The following EXOC4 variants were observed in gnomAD, a reference collection of about 807,000 sequenced individuals.
EXOC4 encodes SEC8-like 1.
EXOC4 carries 71 observed loss-of-function variants against 107.2 expected under a neutral mutation model. The observed-to-expected ratio is 0.66, with a 90% confidence interval of 0.55 to 0.81. EXOC4 has a LOEUF of 0.81. Ranked by LOEUF, EXOC4 falls within the 30% of genes least tolerant of loss-of-function variation. The pLI is 0.00. For missense variants in EXOC4, 1,108 were observed against 1,189.6 expected, an observed-to-expected ratio of 0.93 and a Z score of 1.01; for synonymous variants, 456 against 441.2, an observed-to-expected ratio of 1.03 and a Z score of -0.42.
intron 1 of EXOC4, among the ~76,000 whole-genome samples, chr7:133,256,643 T>A (rs1795025989): frequency 1.3e-5 from 2 of 152,246 alleles, no homozygotes; most frequent in Admixed American, 1.3e-4. Flanking sequence ...AAAATGCTCC[T>A]TTAATTCTCT....
In EXOC4 at chr7:133,679,910, C is replaced by G. The variant is rs572674260; in HGVS notation, c.1514+49769C>G. On this transcript the variant is annotated intron_variant, in intron 10 of 17. Coordinates refer to ENST00000253861, the MANE Select transcript of EXOC4 (RefSeq NM_021807.4). Reference sequence around the variant, plus strand: ...GGAAAAGAAGGTTTAGAGTGGCTAACAAATGATACTGTCTCAATATTAAAT... The same window carrying G: ...GGAAAAGAAGGTTTAGAGTGGCTAAGAAATGATACTGTCTCAATATTAAAT... Among the ~76,000 whole-genome samples, 64 of 152,304 alleles carry G rather than the reference C, an allele frequency of 4.2e-4. No homozygotes were observed. In the Middle Eastern group the frequency reaches 0.017, roughly 40 times the overall value.
intron 9 of EXOC4, among the ~76,000 whole-genome samples, chr7:133,566,060 G>A (rs550478162): frequency 1.3e-5 from 2 of 152,248 alleles, no homozygotes; most frequent in South Asian, 4.1e-4. Context: ...AGGAACATGA[G>A]TTTGAGATCA....
At chr7:133,642,333 T>C (rs963962365) in intron 10 of EXOC4, among the ~76,000 whole-genome samples, 4 of 152,198 alleles carry the variant, frequency 2.6e-5, no homozygotes, top group South Asian at 2.1e-4. Flanking sequence ...TCCAGTTTCC[T>C]TTTTTACACG....
At chr7:133,774,362 G>T (rs1796303720) in intron 10 of EXOC4, among the ~76,000 whole-genome samples, 1 of 152,064 alleles carries the variant, frequency 6.6e-6, no homozygotes, top group African/African-American at 2.4e-5. Context: ...GCCCCAGTAG[G>T]AAGTAGAATG....
chr7:133,261,615 C>G (rs1795154659), intron 1 of EXOC4, among the ~76,000 whole-genome samples: 1 of 152,040 alleles, frequency 6.6e-6, no homozygotes, highest in Non-Finnish European at 1.5e-5. Flanking sequence ...TTTTTGTATT[C>G]CACTATTCTT....
chr7:133,923,643 T>G (rs1366547311), intron 13 of EXOC4, among the ~76,000 whole-genome samples: 4 of 152,246 alleles, frequency 2.6e-5, no homozygotes, highest in Non-Finnish European at 4.4e-5. Flanking sequence ...TCTTTGCATA[T>G]CTGGATGTAA....
intron 1 of EXOC4, among the ~76,000 whole-genome samples, chr7:133,261,970 C>T (rs1188340023): frequency 1.3e-5 from 2 of 152,092 alleles, no homozygotes; most frequent in East Asian, 1.9e-4. Flanking sequence ...TGCAGACTTC[C>T]GTGTGCTGCA....
intron 1 of EXOC4, chr7:133,253,544 A>T: frequency 4.0e-6 from 4 of 1,004,454 alleles, no homozygotes; most frequent in Non-Finnish European, 4.8e-6. Context: ...CTGTAGCAGC[A>T]CTCACTGAGA....
chr7:133,253,536 G>C (rs913861955), intron 1 of EXOC4: 1 of 1,013,874 alleles, frequency 9.9e-7, no homozygotes, highest in Admixed American at 5.6e-5. Context: ...TTGTTTGCCT[G>C]TAGCAGCACT....
At chr7:133,410,359 A>G (rs1278254060) in intron 7 of EXOC4, among the ~76,000 whole-genome samples, 1 of 152,204 alleles carries the variant, frequency 6.6e-6, no homozygotes, top group Non-Finnish European at 1.5e-5. Context: ...AATGAACGTT[A>G]ATATTGAGGA....
chr7:134,015,436 C>G (rs1468686283), intron 17 of EXOC4, among the ~76,000 whole-genome samples: 1 of 152,048 alleles, frequency 6.6e-6, no homozygotes, highest in African/African-American at 2.4e-5. Flanking sequence ...TGGACTTTGT[C>G]CTGTACGTAA....
downstream of EXOC4, among the ~76,000 whole-genome samples, chr7:134,069,343 C>G (rs1032966964): frequency 6.9e-6 from 1 of 145,668 alleles, no homozygotes; most frequent in Non-Finnish European, 1.5e-5. Flanking sequence ...CCTCCTTCTC[C>G]TCCTCCTTCT....
chr7:133,707,994 A>C (rs1251186845), intron 10 of EXOC4, among the ~76,000 whole-genome samples: 1 of 152,204 alleles, frequency 6.6e-6, no homozygotes, highest in Non-Finnish European at 1.5e-5. Flanking sequence ...GGAATGATAA[A>C]AATACCAGAA....
chr7:133,575,053 T>C (rs980076718), intron 9 of EXOC4, among the ~76,000 whole-genome samples: 1 of 152,236 alleles, frequency 6.6e-6, no homozygotes, highest in African/African-American at 2.4e-5. Flanking sequence ...TGAAAAGAGA[T>C]GCATTCAATT....
At chr7:133,808,812 C>T (rs900674625) in intron 10 of EXOC4, among the ~76,000 whole-genome samples, 2 of 151,814 alleles carry the variant, frequency 1.3e-5, no homozygotes, top group Non-Finnish European at 2.9e-5. Flanking sequence ...TTTGAATATA[C>T]TGTGTTCTCA....
intron 7 of EXOC4, among the ~76,000 whole-genome samples, chr7:133,420,742 C>T (rs746847033): frequency 1.1e-4 from 16 of 151,880 alleles, no homozygotes; most frequent in Non-Finnish European, 1.6e-4. Context: ...TGGTAGGTGC[C>T]AAAGAAGGTT....
chr7:133,725,199 G>A (rs1362737), intron 10 of EXOC4, among the ~76,000 whole-genome samples: 135,833 of 152,212 alleles, frequency 0.89, 60,835 homozygotes, highest in East Asian at 0.99. Context: ...CATATGGCTA[G>A]CGTATTGGTC....
At chr7:133,485,696 C>T (rs1166267712) in intron 9 of EXOC4, among the ~76,000 whole-genome samples, 3 of 152,108 alleles carry the variant, frequency 2.0e-5, no homozygotes, top group Non-Finnish European at 2.9e-5. Flanking sequence ...CATTTCAGTA[C>T]CTAGGATAAT....
chr7:133,336,798 A>G (rs1795526999), intron 5 of EXOC4, among the ~76,000 whole-genome samples: 1 of 151,646 alleles, frequency 6.6e-6, no homozygotes, highest in African/African-American at 2.4e-5. Context: ...CAGTGGCACC[A>G]TCTTGGCTCA....
Sources: gnomAD v4.1 joint callset for allele counts (sites outside exome capture counted in the v4.1 genomes callset) on GRCh38, gnomAD v4.1.1 for gene constraint, MANE v1.5 for transcripts, NCBI Gene and HGNC (gene_info 2026-07-23, HGNC 2026-07-21) for gene names.